The following RIC1 variants were observed in gnomAD, a reference collection of about 807,000 sequenced individuals.
RIC1 encodes guanine nucleotide exchange factor subunit RIC1.
In RIC1, 88 loss-of-function variants were observed where a neutral mutation model predicts 169.0. That is an observed-to-expected ratio of 0.52 (90% CI 0.44 to 0.62). The LOEUF is 0.62. RIC1 is among the 20% of genes least tolerant of loss of function. RIC1 has a pLI of 0.00. For missense variants in RIC1, 1,877 were observed against 1,725.5 expected, an observed-to-expected ratio of 1.09 and a Z score of -1.56; for synonymous variants, 790 against 601.5, an observed-to-expected ratio of 1.31 and a Z score of -4.59.
chr9:5,778,471 T>C (rs540039197), downstream of RIC1, among the ~76,000 whole-genome samples: 1 of 152,202 alleles, frequency 6.6e-6, no homozygotes, highest in South Asian at 2.1e-4. Flanking sequence ...CTTCTGATCT[T>C]AGGGAGAAGC....
chr9:5,640,268 G>T (rs1457249956), intron 1 of RIC1, among the ~76,000 whole-genome samples: 2 of 152,126 alleles, frequency 1.3e-5, no homozygotes, highest in African/African-American at 4.8e-5. Context: ...AGACTTGCAA[G>T]TACTGTCTTA....
At chr9:5,745,853 T>C in intron 10 of RIC1, 78 bp from the exon 11 acceptor site, 1 of 1,238,298 alleles carries the variant, frequency 8.1e-7, no homozygotes, top group Non-Finnish European at 1.1e-6. Flanking sequence ...ATTTCAGAAT[T>C]TGAATAATTG....
intron 7 of RIC1, among the ~76,000 whole-genome samples, chr9:5,735,796 T>C (rs1469947781): frequency 6.6e-6 from 1 of 152,238 alleles, no homozygotes; most frequent in Non-Finnish European, 1.5e-5. Context: ...AAGGTATTAC[T>C]AGATTCTGGT....
chr9:5,755,756 C>G (rs768329351), intron 15 of RIC1, among the ~76,000 whole-genome samples: 3 of 152,044 alleles, frequency 2.0e-5, no homozygotes, highest in Non-Finnish European at 4.4e-5. Context: ...AACCCCATCT[C>G]TATTAAAAAT....
chr9:5,720,579 T>C (rs200185243), intron 5 of RIC1, 35 bp from the exon 6 acceptor site: 134 of 1,555,828 alleles, frequency 8.6e-5, no homozygotes, highest in Non-Finnish European at 1.1e-4. Context: ...TATTATATTC[T>C]TAATCCTATT....
intron 3 of RIC1, among the ~76,000 whole-genome samples, chr9:5,705,692 A>G (rs1822544117): frequency 6.6e-6 from 1 of 152,174 alleles, no homozygotes; most frequent in African/African-American, 2.4e-5. Context: ...TGAGAGCAGC[A>G]TTCTTGTCTC....
chr9:5,688,539 A>G (rs920331532), intron 2 of RIC1, among the ~76,000 whole-genome samples: 21 of 152,292 alleles, frequency 1.4e-4, no homozygotes, highest in African/African-American at 4.8e-4. Flanking sequence ...TCCATATTGC[A>G]AGAACATAAA....
intron 22 of RIC1, 143 bp from the exon 23 acceptor site, chr9:5,769,944 G>A: frequency 1.5e-6 from 1 of 647,038 alleles, no homozygotes; most frequent in Non-Finnish European, 2.5e-6. Context: ...TGGGGTGGCT[G>A]ATACAGTACA....
intron 2 of RIC1, among the ~76,000 whole-genome samples, chr9:5,679,395 A>T (rs1247576660): frequency 6.6e-6 from 1 of 152,134 alleles, no homozygotes; most frequent in African/African-American, 2.4e-5. Context: ...TGGTAGCTTG[A>T]TGGGGATGGC....
intron 2 of RIC1, among the ~76,000 whole-genome samples, chr9:5,679,979 G>T (rs2130633244): frequency 6.6e-6 from 1 of 152,280 alleles, no homozygotes; most frequent in African/African-American, 2.4e-5. Context: ...CTGTGGGTTT[G>T]TCATAGATAG....
At chr9:5,743,509 A>G (rs1426904359) in intron 9 of RIC1, among the ~76,000 whole-genome samples, 180 bp from the exon 10 acceptor site, 2 of 152,102 alleles carry the variant, frequency 1.3e-5, no homozygotes, top group Non-Finnish European at 2.9e-5. Context: ...ACCTCGGAAA[A>G]TGTGGCTGAG....
intron 3 of RIC1, among the ~76,000 whole-genome samples, chr9:5,709,746 T>A (rs1822822270): frequency 6.6e-6 from 1 of 152,194 alleles, no homozygotes; most frequent in Non-Finnish European, 1.5e-5. Context: ...AAGTCAGAAT[T>A]TTTTTGTTAC....
chr9:5,629,118 C>A lies in RIC1; in HGVS notation c.-192C>A, dbSNP rs546036177. 1.0e-5 allele frequency: 4 copies of A among 400,510 alleles called. No individual in the cohort carries two copies. The highest frequency in any genetic ancestry group is 1.7e-5 in the Non-Finnish European group (4 of 239,838). The allele number at this position is 400,510 out of a possible 1,614,324, so 24.8% of individuals were successfully genotyped here. A position where few individuals can be genotyped will look rare whatever the true frequency, so the allele number is the denominator to read the frequency against. ...CCCTTCCCTCCCCCACACTCGGCCCCGTCAGCTTGGGGGTGCCTTCGTCGC... is the reference window on the plus strand; with the variant it reads ...CCCTTCCCTCCCCCACACTCGGCCCAGTCAGCTTGGGGGTGCCTTCGTCGC... On this transcript the variant is annotated 5_prime_UTR_variant, in exon 1 of 26. Transcript: ENST00000414202.
chr9:5,668,961 G>A (rs1397738637), intron 2 of RIC1, among the ~76,000 whole-genome samples: 1 of 152,044 alleles, frequency 6.6e-6, no homozygotes, highest in East Asian at 1.9e-4. Flanking sequence ...CTTTTTATGT[G>A]TTGTAATTTT....
rs1364918017 is a variant in RIC1, at chr9:5,756,315, T to C, written c.1796T>C (p.Ile599Thr). The C allele has an allele frequency of 6.3e-7, 1 of 1,596,088 alleles. No homozygotes were observed. Among genetic ancestry groups the C allele is most frequent in the Non-Finnish European group, 8.6e-7 (1 of 1,169,050 alleles). Residue 599 changes from isoleucine (I) to threonine (T), a missense_variant, in exon 16 of 26, where the codon ATA becomes ACA. This residue lies in a region of RIC1 where 1,104 missense variants were observed against 992.0 expected (regional missense o/e 1.11). Transcript: ENST00000414202. Reference protein sequence around the residue: ...LLLSVFQDMVIVFRADCSICL... With the variant: ...LLLSVFQDMVTVFRADCSICL... ...CTTAGTGTCTTCCAGGACATGGTAATAGTATTTAGAGCAGACTGTTCAATA... is the reference window on the plus strand; with the variant it reads ...CTTAGTGTCTTCCAGGACATGGTAACAGTATTTAGAGCAGACTGTTCAATA...
intron 2 of RIC1, among the ~76,000 whole-genome samples, chr9:5,672,924 A>G (rs1298615355): frequency 6.6e-6 from 1 of 152,216 alleles, no homozygotes; most frequent in Non-Finnish European, 1.5e-5. Flanking sequence ...TAGCCATGAA[A>G]AAAGAATCTC....
At chr9:5,701,473 G>A (rs563802911) in intron 3 of RIC1, among the ~76,000 whole-genome samples, 2 of 151,926 alleles carry the variant, frequency 1.3e-5, no homozygotes, top group Non-Finnish European at 2.9e-5. Context: ...ATTAGCTGGT[G>A]TGGTAATCCC....
intron 15 of RIC1, among the ~76,000 whole-genome samples, 182 bp from the exon 16 acceptor site, chr9:5,756,030 G>A (rs1159908297): frequency 6.6e-6 from 1 of 150,808 alleles, no homozygotes; most frequent in Non-Finnish European, 1.5e-5. Flanking sequence ...CATAGAATGA[G>A]CCTAGTCTGC....
intron 6 of RIC1, among the ~76,000 whole-genome samples, chr9:5,723,578 C>A (rs1348556614): frequency 6.6e-6 from 1 of 152,154 alleles, no homozygotes; most frequent in Admixed American, 6.5e-5. Flanking sequence ...TCCCATTTGT[C>A]AATTTTGGCT....
Sources: allele counts gnomAD v4.1 joint callset (sites outside exome capture counted in the v4.1 genomes callset), GRCh38; gene constraint gnomAD v4.1.1; regional missense constraint gnomAD v4.1.1; transcripts MANE v1.5; gene names NCBI Gene and HGNC (gene_info 2026-07-23, HGNC 2026-07-21).